Variants in CELF2 observed in about 807,000 individuals in gnomAD.
The protein encoded by CELF2 is CUGBP Elav-like family member 2.
In CELF2, 8 loss-of-function variants were observed where a neutral mutation model predicts 62.6. The ratio of observed to expected loss-of-function variants is 0.13; its 90% CI spans 0.07 to 0.23. CELF2 has a LOEUF of 0.23. Ranked by LOEUF, CELF2 falls within the 10% of genes least tolerant of loss-of-function variation. The pLI is 1.00. For missense variants in CELF2, 333 were observed against 671.0 expected, an observed-to-expected ratio of 0.50 and a Z score of 5.56; for synonymous variants, 258 against 250.0, an observed-to-expected ratio of 1.03 and a Z score of -0.30.
At chr10:10,749,038 G>A in the CELF2 span, among the ~76,000 whole-genome samples, 2 of 152,178 alleles carry the variant, frequency 1.3e-5, no homozygotes, top group African/African-American at 4.8e-5. Flanking sequence ...AGAGAGCCAG[G>A]TAGTATTTTT....
In CELF2 at chr10:11,217,342, G is replaced by A. The variant is rs1448845648; in HGVS notation, c.272-83G>A. ...TTTAAATTGTGCGTCCTTTTAAGTAGATTGTTTGTTCGCCACAGTCTCCAT... is the reference window on the plus strand; with the variant it reads ...TTTAAATTGTGCGTCCTTTTAAGTAAATTGTTTGTTCGCCACAGTCTCCAT... On this transcript the variant is annotated intron_variant, in intron 2 of 12. Transcript: ENST00000633077. This position sits in a 1 kb window ranked among gnomAD's most constrained non-coding sequence, Gnocchi z 5.6. 1 of 889,580 alleles carries A rather than the reference G, an allele frequency of 1.1e-6. No homozygotes were observed. The highest frequency in any genetic ancestry group is 1.7e-5 in the African/African-American group (1 of 59,054). 55.1% of individuals were successfully genotyped at this position (889,580 alleles called of 1,614,324 possible). A position where few individuals can be genotyped will look rare whatever the true frequency, so the allele number is the denominator to read the frequency against.
the CELF2 span, among the ~76,000 whole-genome samples, chr10:10,506,670 A>ATTTTTTTTTTTTTTTTTTTTTTT: frequency 1.2e-4 from 8 of 64,572 alleles, 2 homozygotes; most frequent in South Asian, 2.0e-3. Context: ...CCTCCTGTGA[A>ATTTTTTTTTTTTTTTTTTTTTTT]TTTTTTTTTT....
At chr10:10,566,890 T>C in the CELF2 span, among the ~76,000 whole-genome samples, 55 of 152,298 alleles carry the variant, frequency 3.6e-4, no homozygotes, top group Non-Finnish European at 6.3e-4. Context: ...CACCGATCTC[T>C]ACTTAAATTT....
chr10:10,627,816 A>C, the CELF2 span, among the ~76,000 whole-genome samples: 1 of 152,248 alleles, frequency 6.6e-6, no homozygotes, highest in African/African-American at 2.4e-5. Flanking sequence ...TTCTACCAGA[A>C]GATAAGCTCC....
the CELF2 span, among the ~76,000 whole-genome samples, chr10:10,601,437 A>G: frequency 2.3e-4 from 35 of 152,328 alleles, no homozygotes; most frequent in East Asian, 2.7e-3. Context: ...AGAACTTTTG[A>G]TAACTTAAAC....
the CELF2 span, among the ~76,000 whole-genome samples, chr10:10,463,489 T>C: frequency 6.6e-6 from 1 of 152,212 alleles, no homozygotes; most frequent in Non-Finnish European, 1.5e-5. Flanking sequence ...TCTGTTCTTT[T>C]TCTGCATGTA....
rs1036570059 is a variant in CELF2, at chr10:11,031,079, A to T, written c.74+12916A>T. Among the ~76,000 whole-genome samples the T allele has an allele frequency of 2.6e-5, 4 of 152,232 alleles. No individual in the cohort carries two copies. In the South Asian group the frequency reaches 8.3e-4, roughly 32 times the overall value. On this transcript the variant is annotated intron_variant, in intron 1 of 12. Transcript: ENST00000633077. Reference sequence around the variant, plus strand: ...TCCCCCATTAACTTCCAACTTAAAAATTTTTGCATATGACTTAGACGAATG... The same window carrying T: ...TCCCCCATTAACTTCCAACTTAAAATTTTTTGCATATGACTTAGACGAATG...
intron 2 of CELF2, among the ~76,000 whole-genome samples, chr10:11,188,967 GGATCTTTCTTA>G (rs1565180841): frequency 6.6e-6 from 1 of 151,952 alleles, no homozygotes; most frequent in African/African-American, 2.4e-5. Context: ...AGTCCGTTTC[GGATCTTTCTTA>G]GATCTTCCAG....
intron 1 of CELF2, among the ~76,000 whole-genome samples, chr10:11,090,946 A>G (rs1420316181): frequency 6.6e-6 from 1 of 152,222 alleles, no homozygotes; most frequent in Non-Finnish European, 1.5e-5. Context: ...AAATGTACAG[A>G]CTTATTCTTC....
chr10:10,725,400 C>T, the CELF2 span, among the ~76,000 whole-genome samples: 1 of 152,174 alleles, frequency 6.6e-6, no homozygotes, highest in African/African-American at 2.4e-5. Flanking sequence ...TAGTCCGCAA[C>T]AGTACGGGAT....
At chr10:10,635,333 G>C in the CELF2 span, among the ~76,000 whole-genome samples, 13 of 152,260 alleles carry the variant, frequency 8.5e-5, no homozygotes, top group East Asian at 2.5e-3. Context: ...TTAAAGTCCA[G>C]TTCTTGAACA....
intron 5 of CELF2, among the ~76,000 whole-genome samples, chr10:11,265,779 T>G (rs944554916): frequency 6.6e-6 from 1 of 152,258 alleles, no homozygotes; most frequent in African/African-American, 2.4e-5. Flanking sequence ...AAAGTTTCAC[T>G]GGTCTCCCAG....
chr10:10,867,142 A>G (rs1394673820), intron 1 of CELF2, among the ~76,000 whole-genome samples: 7 of 152,190 alleles, frequency 4.6e-5, no homozygotes, highest in Non-Finnish European at 8.8e-5. Context: ...TCTGATTTAT[A>G]CTGTCTGCAT....
rs778490148 is a variant in CELF2, at chr10:11,046,457, T to C, written c.74+28294T>C. ...CCTCTGATGACACCGAAATGAAATA[T>C]AAAGGGAAGATAAAGTATATTAAGG... On this transcript the variant is annotated intron_variant, in intron 1 of 12. Coordinates refer to ENST00000633077, the MANE Select transcript of CELF2 (RefSeq NM_001326342.2). This position sits in a 1 kb window ranked among gnomAD's most constrained non-coding sequence, Gnocchi z 4.6. Among the ~76,000 whole-genome samples the C allele has an allele frequency of 6.6e-6, 1 of 152,218 alleles. No homozygotes were observed. Among genetic ancestry groups the C allele is most frequent in the South Asian group, 2.1e-4 (1 of 4,824 alleles).
At chr10:10,727,334 C>A in the CELF2 span, among the ~76,000 whole-genome samples, 2 of 152,206 alleles carry the variant, frequency 1.3e-5, no homozygotes, top group Non-Finnish European at 1.5e-5. Flanking sequence ...CCTGTCCTAA[C>A]TTTCTTAGAC....
the CELF2 span, among the ~76,000 whole-genome samples, chr10:10,701,651 C>A: frequency 2.6e-5 from 4 of 152,162 alleles, no homozygotes; most frequent in Non-Finnish European, 4.4e-5. Context: ...TTTTCAAATG[C>A]CTCTGTATGT....
chr10:10,558,677 G>C, the CELF2 span, among the ~76,000 whole-genome samples: 6 of 152,008 alleles, frequency 3.9e-5, no homozygotes, highest in Admixed American at 1.3e-4. Context: ...GACTCTTTTT[G>C]CTTGGTAAAC....
chr10:10,886,792 C>T (rs1219405365), intron 1 of CELF2, among the ~76,000 whole-genome samples: 1 of 152,222 alleles, frequency 6.6e-6, no homozygotes. Context: ...GCTGTGATCA[C>T]ACCACTGCAC....
chr10:10,811,411 A>G (rs370006389), intron 1 of CELF2, among the ~76,000 whole-genome samples: 31 of 152,276 alleles, frequency 2.0e-4, no homozygotes, highest in African/African-American at 6.5e-4. Context: ...AATGTGGGCA[A>G]TGTGATTAGG....
Sources: gnomAD v4.1 joint callset for allele counts (sites outside exome capture counted in the v4.1 genomes callset) on GRCh38, gnomAD v4.1.1 for gene constraint, Gnocchi (gnomAD v3.1) non-coding constraint, MANE v1.5 for transcripts, NCBI Gene and HGNC (gene_info 2026-07-23, HGNC 2026-07-21) for gene names.